The following CDYL2 variants were observed in gnomAD, a reference collection of about 807,000 sequenced individuals.
CDYL2 encodes the protein chromodomain Y-like protein 2.
In CDYL2, 23 loss-of-function variants were observed where a neutral mutation model predicts 49.4. That is an observed-to-expected ratio of 0.47 (90% CI 0.34 to 0.66). The LOEUF is 0.66. Among genes scored for constraint, CDYL2 ranks in the 30% least tolerant of loss-of-function variants. The probability of loss-of-function intolerance (pLI) is 0.01; values close to 1 mark genes in which losing one functional copy is unlikely to be tolerated. For missense variants in CDYL2, 678 were observed against 656.4 expected (o/e 1.03, Z -0.36); for synonymous variants, 360 against 268.8 (o/e 1.34, Z -3.32).
chr16:80,643,082 T>C (rs1196307444), intron 2 of CDYL2, among the ~76,000 whole-genome samples: 1 of 152,176 alleles, frequency 6.6e-6, no homozygotes, highest in Non-Finnish European at 1.5e-5. Flanking sequence ...AAAAGCAAGC[T>C]AGTTACTTCC....
intron 1 of CDYL2, among the ~76,000 whole-genome samples, chr16:80,769,499 A>G (rs1335514927): frequency 1.3e-5 from 2 of 152,246 alleles, no homozygotes; most frequent in African/African-American, 4.8e-5. Flanking sequence ...GCTGCCAGTG[A>G]CGACAGCCAA....
intron 1 of CDYL2, among the ~76,000 whole-genome samples, chr16:80,763,912 G>C (rs1906624930): frequency 6.6e-6 from 1 of 152,116 alleles, no homozygotes; most frequent in African/African-American, 2.4e-5. Flanking sequence ...GTGTGTCAAG[G>C]AGTTAAAAAC....
At chr16:80,753,103 G>A (rs905265793) in intron 1 of CDYL2, among the ~76,000 whole-genome samples, 2 of 152,092 alleles carry the variant, frequency 1.3e-5, no homozygotes, top group Non-Finnish European at 2.9e-5. Flanking sequence ...TGCAGTCAAA[G>A]TTTCCTAAGG....
chr16:80,765,702 C>A (rs1906695607), intron 1 of CDYL2, among the ~76,000 whole-genome samples: 1 of 128,512 alleles, frequency 7.8e-6, no homozygotes, highest in African/African-American at 3.0e-5. Flanking sequence ...AAAATGTAAT[C>A]TATCCATACA....
chr16:80,667,429 G>C (rs116205349), intron 2 of CDYL2, among the ~76,000 whole-genome samples: 2 of 152,110 alleles, frequency 1.3e-5, no homozygotes, highest in Non-Finnish European at 2.9e-5. Context: ...TTTTTCCTCA[G>C]TCATTTCGGC....
intron 1 of CDYL2, among the ~76,000 whole-genome samples, chr16:80,740,022 G>C (rs758393327): frequency 2.6e-5 from 4 of 152,186 alleles, no homozygotes; most frequent in African/African-American, 9.7e-5. Context: ...GGAGGGTGGT[G>C]GGTGCCAGAG....
At chr16:80,648,586 C>T (rs995123279) in intron 2 of CDYL2, among the ~76,000 whole-genome samples, 1 of 151,848 alleles carries the variant, frequency 6.6e-6, no homozygotes, top group African/African-American at 2.4e-5. Flanking sequence ...GAACTAATAC[C>T]AATCCTACTC....
chr16:80,737,294 C>G (rs111247995), intron 1 of CDYL2, among the ~76,000 whole-genome samples: 15 of 152,238 alleles, frequency 9.9e-5, no homozygotes, highest in African/African-American at 3.4e-4. Flanking sequence ...GGTATAGTGG[C>G]TTTTACTTAA....
chr16:80,660,233 A>T (rs1908986369), intron 2 of CDYL2, among the ~76,000 whole-genome samples: 1 of 152,134 alleles, frequency 6.6e-6, no homozygotes, highest in Admixed American at 6.5e-5. Flanking sequence ...CGGGTAAAAA[A>T]ATAGATTTTT....
intron 1 of CDYL2, among the ~76,000 whole-genome samples, chr16:80,699,332 A>C (rs1378714741): frequency 6.6e-6 from 1 of 152,266 alleles, no homozygotes; most frequent in East Asian, 1.9e-4. Flanking sequence ...CTATTTAGCC[A>C]TAAAAAAGTA....
intron 1 of CDYL2, among the ~76,000 whole-genome samples, chr16:80,761,115 G>A (rs980989071): frequency 6.6e-6 from 1 of 151,840 alleles, no homozygotes; most frequent in Non-Finnish European, 1.5e-5. Flanking sequence ...TCACCTGGCT[G>A]GGGGGAGACT....
chr16:80,727,447 A>G lies in CDYL2; in HGVS notation c.25-42318T>C, dbSNP rs113667445. Among the ~76,000 whole-genome samples, 1,268 of 152,308 alleles carry G rather than the reference A, an allele frequency of 8.3e-3. 22 individuals are homozygous for G. Among genetic ancestry groups the G allele is most frequent in the African/African-American group, 0.028 (1,178 of 41,578 alleles). ...TCCCGCACATGGCTCGGAAGGTCCTACGCCCACGGAGTCTCGCTGATTGCT... is the reference window on the plus strand; with the variant it reads ...TCCCGCACATGGCTCGGAAGGTCCTGCGCCCACGGAGTCTCGCTGATTGCT... On this transcript the variant is annotated intron_variant, in intron 1 of 6. Coordinates refer to ENST00000570137, the MANE Select transcript of CDYL2 (RefSeq NM_152342.4).
At chr16:80,678,448 G>A (rs929253898) in intron 2 of CDYL2, among the ~76,000 whole-genome samples, 19 of 152,192 alleles carry the variant, frequency 1.2e-4, no homozygotes, top group South Asian at 2.1e-4. Context: ...AAAAGTGGGC[G>A]AAGGACATGA....
intron 1 of CDYL2, among the ~76,000 whole-genome samples, chr16:80,709,718 C>T (rs185911851): frequency 7.0e-4 from 107 of 152,252 alleles, no homozygotes; most frequent in Admixed American, 2.0e-3. Context: ...CTTCTCACAT[C>T]TACTTCCACA....
chr16:80,793,882 T>G (rs1007624872), intron 1 of CDYL2, among the ~76,000 whole-genome samples: 1 of 152,228 alleles, frequency 6.6e-6, no homozygotes, highest in African/African-American at 2.4e-5. Flanking sequence ...GGCCCAAAGA[T>G]GTCAGCTGCC....
chr16:80,761,939 AT>A (rs1362117662), intron 1 of CDYL2, among the ~76,000 whole-genome samples: 1 of 151,752 alleles, frequency 6.6e-6, no homozygotes, highest in Non-Finnish European at 1.5e-5. Flanking sequence ...AAATCCCAGC[AT>A]TTTGGGAGGC....
intron 2 of CDYL2, among the ~76,000 whole-genome samples, chr16:80,679,227 C>T (rs1056905956): frequency 1.3e-5 from 2 of 151,574 alleles, no homozygotes; most frequent in African/African-American, 2.4e-5. Context: ...CTAACCTGCA[C>T]ATTGTACACA....
chr16:80,774,316 C>T lies in CDYL2; in HGVS notation c.24+29834G>A, dbSNP rs139816204. ...CAGGCGCTGAAAGACAAATGCTATG[C>T]GATCTTATTTATATGTGGAATCTAA... On this transcript the variant is annotated intron_variant, in intron 1 of 6. Coordinates refer to ENST00000570137, the MANE Select transcript of CDYL2 (RefSeq NM_152342.4). Among the ~76,000 whole-genome samples the T allele has an allele frequency of 1.5e-3, 224 of 147,634 alleles. 1 individual carries two copies. Among genetic ancestry groups the T allele is most frequent in the African/African-American group, 5.0e-3 (199 of 39,808 alleles).
At chr16:80,717,479 G>C (rs1904850335) in intron 1 of CDYL2, among the ~76,000 whole-genome samples, 1 of 152,230 alleles carries the variant, frequency 6.6e-6, no homozygotes, top group Admixed American at 6.5e-5. Flanking sequence ...TGGAGACAGA[G>C]GTAACCTGAG....
Sources: allele counts gnomAD v4.1 joint callset (sites outside exome capture counted in the v4.1 genomes callset), GRCh38; gene constraint gnomAD v4.1.1; transcripts MANE v1.5; gene names NCBI Gene and HGNC (gene_info 2026-07-23, HGNC 2026-07-21).